GNAO1: variants seen among roughly 807,000 people sequenced by gnomAD.
GNAO1 encodes guanine nucleotide-binding protein G(o) subunit alpha.
For missense variants in GNAO1, 166 were observed against 478.7 expected, an observed-to-expected ratio of 0.35 and a Z score of 6.10; for synonymous variants, 164 against 180.7, an observed-to-expected ratio of 0.91 and a Z score of 0.74.
chr16:56,272,027 G>C (rs558896750), intron 2 of GNAO1, among the ~76,000 whole-genome samples: 1 of 152,280 alleles, frequency 6.6e-6, no homozygotes, highest in East Asian at 1.9e-4. Context: ...AAAAAAAGAA[G>C]AGGAATGTGG....
chr16:56,230,496 G>A (rs2036579520), intron 2 of GNAO1, among the ~76,000 whole-genome samples: 1 of 152,188 alleles, frequency 6.6e-6, no homozygotes, highest in South Asian at 2.1e-4. Context: ...CATAATCAGA[G>A]CGTGGGTGGG....
intron 6 of GNAO1, chr16:56,347,606 T>C: frequency 1.0e-6 from 1 of 980,518 alleles, no homozygotes; most frequent in Non-Finnish European, 1.2e-6. Flanking sequence ...AACTCCTGGA[T>C]CCCCTCCATG....
chr16:56,316,069 A>G (rs1213966272), intron 3 of GNAO1, among the ~76,000 whole-genome samples: 1 of 151,672 alleles, frequency 6.6e-6, no homozygotes, highest in Non-Finnish European at 1.5e-5. Flanking sequence ...CAAAAAAAAA[A>G]AGAGTGAGCA....
chr16:56,242,651 C>A (rs1159992195), intron 2 of GNAO1, among the ~76,000 whole-genome samples: 1 of 152,052 alleles, frequency 6.6e-6, no homozygotes, highest in Non-Finnish European at 1.5e-5. Flanking sequence ...TTATCTCACA[C>A]CATATACAAA....
At chr16:56,196,622 C>T (rs1375242136) in intron 2 of GNAO1, among the ~76,000 whole-genome samples, 4 of 152,114 alleles carry the variant, frequency 2.6e-5, no homozygotes, top group Non-Finnish European at 4.4e-5. Flanking sequence ...TGCCCTCATT[C>T]GAGGTGCTGA....
intron 6 of GNAO1, among the ~76,000 whole-genome samples, chr16:56,340,001 C>G (rs2037784419): frequency 6.6e-6 from 1 of 152,230 alleles, no homozygotes; most frequent in African/African-American, 2.4e-5. Flanking sequence ...CATCTCTTGC[C>G]CTGCAATCCA....
At chr16:56,216,061 G>T (rs2036434115) in intron 2 of GNAO1, among the ~76,000 whole-genome samples, 1 of 152,156 alleles carries the variant, frequency 6.6e-6, no homozygotes, top group Admixed American at 6.5e-5. Flanking sequence ...AGCAATAGAG[G>T]AGTGGGTGGC....
At chr16:56,199,377 T>C (rs1184010057) in intron 2 of GNAO1, among the ~76,000 whole-genome samples, 1 of 152,166 alleles carries the variant, frequency 6.6e-6, no homozygotes, top group African/African-American at 2.4e-5. Context: ...AGAAACAGGA[T>C]GTTTCTGGGA....
chr16:56,345,235 A>G (rs1378466290), intron 6 of GNAO1: 7 of 985,462 alleles, frequency 7.1e-6, no homozygotes, highest in Non-Finnish European at 8.4e-6. Flanking sequence ...GCTGAGGCCA[A>G]CGCCCACACC....
chr16:56,274,521 G>A (rs573863465), intron 2 of GNAO1, among the ~76,000 whole-genome samples: 49 of 151,962 alleles, frequency 3.2e-4, no homozygotes, highest in African/African-American at 1.0e-3. Context: ...ATTATTGTAC[G>A]TCAACTGATG....
chr16:56,344,311 T>A (rs1468765167), intron 6 of GNAO1: 27 of 1,146,162 alleles, frequency 2.4e-5, no homozygotes, highest in Non-Finnish European at 2.8e-5. Flanking sequence ...CCTGTCATCT[T>A]GGGTGGTGCA....
At chr16:56,238,767 A>G (rs113438656) in intron 2 of GNAO1, among the ~76,000 whole-genome samples, 191 of 152,372 alleles carry the variant, frequency 1.3e-3, no homozygotes, top group African/African-American at 4.4e-3. Context: ...CTCATAGATA[A>G]TGTAGGATAT....
chr16:56,263,779 C>T (rs1393907166), intron 2 of GNAO1, among the ~76,000 whole-genome samples: 3 of 152,208 alleles, frequency 2.0e-5, no homozygotes. Context: ...AGAAACGGGG[C>T]AACCACAGGA....
intron 3 of GNAO1, among the ~76,000 whole-genome samples, chr16:56,296,085 A>G (rs1167028483): frequency 6.6e-6 from 1 of 152,198 alleles, no homozygotes; most frequent in African/African-American, 2.4e-5. Context: ...AAAGCCAATT[A>G]CTGATTTCCT....
rs953460212 is a variant in GNAO1, at chr16:56,351,269, G to A, written c.724-115G>A. On this transcript the variant is annotated intron_variant, in intron 6 of 8. Coordinates refer to ENST00000262493, the MANE Select transcript of GNAO1 (RefSeq NM_020988.3). The surrounding 1 kb of genome is among the most constrained non-coding windows in gnomAD (Gnocchi z 6.1). ...GGTTCCATCTGGCAGCCTCTCGGAG[G>A]AGCTGCCGAGTAGCCCAGTCCCTCT... The A allele has an allele frequency of 1.5e-6, 1 of 673,134 alleles. No homozygotes were observed. Among genetic ancestry groups the A allele is most frequent in the Non-Finnish European group, 2.6e-6 (1 of 388,716 alleles). 41.7% of individuals were successfully genotyped at this position (673,134 alleles called of 1,614,324 possible).
At chr16:56,247,484 T>G (rs1242049168) in intron 2 of GNAO1, among the ~76,000 whole-genome samples, 3 of 97,990 alleles carry the variant, frequency 3.1e-5, no homozygotes, top group African/African-American at 1.2e-4. Flanking sequence ...AGGGTGAGGT[T>G]TTTTTTTTTT....
intron 2 of GNAO1, among the ~76,000 whole-genome samples, chr16:56,222,218 G>T (rs1443732364): frequency 3.4e-5 from 5 of 147,282 alleles, no homozygotes; most frequent in Admixed American, 1.3e-4. Context: ...TAAGAACAGA[G>T]CATGTCAGTG....
chr16:56,333,210 CTT>C (rs71149663), intron 4 of GNAO1, among the ~76,000 whole-genome samples: 3 of 140,828 alleles, frequency 2.1e-5, no homozygotes, highest in Non-Finnish European at 3.1e-5. Flanking sequence ...TTCTTTTTTT[CTT>C]TTTTTTTTTT....
chr16:56,228,741 C>A (rs1466626490), intron 2 of GNAO1, among the ~76,000 whole-genome samples: 1 of 152,170 alleles, frequency 6.6e-6, no homozygotes, highest in Non-Finnish European at 1.5e-5. Context: ...GGGCACATCT[C>A]CTGGCCACAC....
Sources: gnomAD v4.1 joint callset for allele counts (sites outside exome capture counted in the v4.1 genomes callset) on GRCh38, gnomAD v4.1.1 for gene constraint, Gnocchi (gnomAD v3.1) non-coding constraint, MANE v1.5 for transcripts, NCBI Gene and HGNC (gene_info 2026-07-23, HGNC 2026-07-21) for gene names.